Variants in TSNARE1 observed in about 807,000 individuals in gnomAD.
TSNARE1 encodes t-SNARE domain-containing protein 1.
Under a neutral mutation model 62.0 loss-of-function variants are expected in TSNARE1, and 49 were observed. That is an observed-to-expected ratio of 0.79 (90% CI 0.63 to 1.00). The LOEUF (loss-of-function observed/expected upper bound fraction) is 1.00, where lower values mean the gene tolerates loss of function less well. TSNARE1 is among the 50% of genes least tolerant of loss of function. The probability of loss-of-function intolerance (pLI) is 0.00; values close to 1 mark genes in which losing one functional copy is unlikely to be tolerated. For missense variants in TSNARE1, 755 were observed against 700.1 expected (o/e 1.08, Z -0.88); for synonymous variants, 328 against 294.4 (o/e 1.11, Z -1.17).
intron 7 of TSNARE1, 144 bp from the exon 8 acceptor site, chr8:142,315,236 A>G (rs912817839): frequency 1.1e-5 from 9 of 803,168 alleles, no homozygotes; most frequent in Admixed American, 4.6e-5. Context: ...CCTCCGTGTC[A>G]CCGTCGTCTC....
chr8:142,250,023 G>A (rs1269905615), intron 12 of TSNARE1, among the ~76,000 whole-genome samples: 1 of 152,162 alleles, frequency 6.6e-6, no homozygotes, highest in Non-Finnish European at 1.5e-5. Flanking sequence ...AACCTGCTGA[G>A]GGGTCCTGGG....
chr8:142,361,805 C>T (rs1158495873), intron 1 of TSNARE1, among the ~76,000 whole-genome samples: 2 of 152,062 alleles, frequency 1.3e-5, no homozygotes, highest in African/African-American at 2.4e-5. Context: ...GGGACGGGTG[C>T]ACACACACAG....
At chr8:142,365,265 C>T (rs1032862829) in intron 1 of TSNARE1, among the ~76,000 whole-genome samples, 2 of 152,120 alleles carry the variant, frequency 1.3e-5, no homozygotes, top group African/African-American at 4.8e-5. Flanking sequence ...ACTCACCGGC[C>T]ATCTTCAAAA....
In TSNARE1 at chr8:142,317,289, T is replaced by C. The variant is rs530540392; in HGVS notation, c.984+1255A>G. Among the ~76,000 whole-genome samples, 952 of 139,268 alleles carry C rather than the reference T, an allele frequency of 6.8e-3. 117 individuals carry two copies. Among genetic ancestry groups the C allele is most frequent in the African/African-American group, 0.025 (913 of 37,198 alleles). 91.4% of individuals were successfully genotyped at this position (139,268 alleles called of 152,430 possible). On this transcript the variant is annotated intron_variant, in intron 7 of 13. Transcript: ENST00000524325. ...TGGCCAGCGGCTCACACTGTACGCGTGAAGCGGGTATGGCCAGCGGCTCAC... is the reference window on the plus strand; with the variant it reads ...TGGCCAGCGGCTCACACTGTACGCGCGAAGCGGGTATGGCCAGCGGCTCAC...
At chr8:142,275,896 G>A (rs1820401978) in intron 11 of TSNARE1, 4 of 985,368 alleles carry the variant, frequency 4.1e-6, no homozygotes, top group African/African-American at 1.7e-5. Context: ...GAAAGACAAG[G>A]CCACTCCCCA....
At chr8:142,373,474 G>C (rs1042846713) in intron 1 of TSNARE1, among the ~76,000 whole-genome samples, 1 of 152,140 alleles carries the variant, frequency 6.6e-6, no homozygotes, top group Non-Finnish European at 1.5e-5. Context: ...AAGAAACCAG[G>C]ACACAGGCAT....
chr8:142,401,770 C>T (rs1564024867), intron 1 of TSNARE1, among the ~76,000 whole-genome samples: 1 of 152,192 alleles, frequency 6.6e-6, no homozygotes, highest in Non-Finnish European at 1.5e-5. Context: ...TTGCCAGCCT[C>T]CCACAGCCAC....
intron 12 of TSNARE1, among the ~76,000 whole-genome samples, chr8:142,251,973 G>A (rs1410238536): frequency 3.5e-5 from 5 of 144,590 alleles, no homozygotes; most frequent in Admixed American, 2.1e-4. Flanking sequence ...CTGTCTTCAG[G>A]GCCCGGGCAC....
Position 142,300,580 on chromosome 8 carries a change from A to G in TSNARE1, c.1196T>C (p.Met399Thr), listed in dbSNP as rs1331633884. 1.9e-6 allele frequency: 3 copies of G among 1,613,548 alleles called. No homozygotes were observed. The highest frequency in any genetic ancestry group is 2.2e-5 in the South Asian group (2 of 91,076). ...DEKVFNGSDN[M>T]WQGQEQALLP... is the part of the protein sequence containing the mutation. ...CAGCGCCTGCTCCTGGCCCTGCCAC[A>G]TGTTGTCACTCCCGTTAAAGACCTT... is the stretch of plus-strand genomic sequence containing the variant. The change falls in exon 10 of 14, where the codon ATG becomes ACG. Residue 399 changes from methionine (M) to threonine (T), a missense_variant. Coordinates refer to ENST00000524325, the MANE Select transcript of TSNARE1 (RefSeq NM_145003.5).
chr8:142,234,786 A>T (rs970294413), intron 12 of TSNARE1, among the ~76,000 whole-genome samples: 11 of 152,070 alleles, frequency 7.2e-5, no homozygotes, highest in African/African-American at 2.7e-4. Context: ...GGAGAGGGGG[A>T]GACGCCCAAG....
At position 142,236,684 on chromosome 8, in the gene TSNARE1, C is replaced by T. The variant is rs1259587855; in HGVS notation, c.1447-7105G>A. Among the ~76,000 whole-genome samples the T allele has an allele frequency of 2.0e-5, 3 of 152,196 alleles. No homozygotes were observed. In the East Asian group the frequency reaches 5.8e-4, roughly 29 times the overall value. On this transcript the variant is annotated intron_variant, in intron 12 of 13. Coordinates refer to ENST00000524325, the MANE Select transcript of TSNARE1 (RefSeq NM_145003.5). ...TCCACACAGATGAGCTCATCCCTGA[C>T]CCTCCAGACCACCACCTCTTCCCAC...
intron 12 of TSNARE1, among the ~76,000 whole-genome samples, chr8:142,234,873 C>T (rs1046842135): frequency 2.6e-5 from 4 of 151,882 alleles, no homozygotes; most frequent in Non-Finnish European, 1.5e-5. Flanking sequence ...CCACAACATC[C>T]TCACCCCAAC....
chr8:142,276,969 A>T, intron 11 of TSNARE1: 1 of 985,438 alleles, frequency 1.0e-6, no homozygotes, highest in South Asian at 4.7e-5. Flanking sequence ...GTGCACAGAG[A>T]TGCACAAGGG....
At chr8:142,329,304 C>A (rs917910403) in intron 6 of TSNARE1, among the ~76,000 whole-genome samples, 1 of 152,170 alleles carries the variant, frequency 6.6e-6, no homozygotes. Context: ...CCGGGATACT[C>A]GGTCCTCAGA....
At chr8:142,354,059 G>C (rs1408710107) in intron 2 of TSNARE1, among the ~76,000 whole-genome samples, 1 of 152,184 alleles carries the variant, frequency 6.6e-6, no homozygotes, top group Non-Finnish European at 1.5e-5. Flanking sequence ...TGACAGCAGA[G>C]CAGGAGCGGG....
At chr8:142,330,782 A>G in intron 6 of TSNARE1, 119 bp downstream of exon 6, 5 of 970,210 alleles carry the variant, frequency 5.2e-6, no homozygotes, top group Non-Finnish European at 8.0e-6. Flanking sequence ...GTGTCCAGGC[A>G]GCTGTGCGCA....
chr8:142,323,675 C>A (rs1200856109), intron 6 of TSNARE1, among the ~76,000 whole-genome samples: 1 of 152,202 alleles, frequency 6.6e-6, no homozygotes, highest in African/African-American at 2.4e-5. Flanking sequence ...GGGCACTTGG[C>A]CCAAGGACAC....
At chr8:142,313,034 G>A (rs1275214723) in intron 9 of TSNARE1, among the ~76,000 whole-genome samples, 1 of 152,148 alleles carries the variant, frequency 6.6e-6, no homozygotes, top group Non-Finnish European at 1.5e-5. Context: ...CTATCTGCAT[G>A]TGTCTACATG....
At chr8:142,318,393 G>A (rs1232503109) in intron 7 of TSNARE1, 151 bp downstream of exon 7, 5 of 762,196 alleles carry the variant, frequency 6.6e-6, no homozygotes, top group Admixed American at 2.3e-5. Context: ...CTGAGCCATG[G>A]AGCCATGGGA....
Sources: gnomAD v4.1 joint callset for allele counts (sites outside exome capture counted in the v4.1 genomes callset) on GRCh38, gnomAD v4.1.1 for gene constraint, MANE v1.5 for transcripts, NCBI Gene and HGNC (gene_info 2026-07-23, HGNC 2026-07-21) for gene names.